SH3GLB1: variants seen among roughly 807,000 people sequenced by gnomAD.
SH3GLB1 encodes endophilin-B1.
Under a neutral mutation model 42.0 loss-of-function variants are expected in SH3GLB1, and 17 were observed. The observed-to-expected ratio is 0.40, with a 90% CI of 0.28 to 0.61. SH3GLB1 has a LOEUF of 0.61. Among genes scored for constraint, SH3GLB1 ranks in the 20% least tolerant of loss-of-function variants. SH3GLB1 has a pLI of 0.36. For synonymous variants in SH3GLB1, 132 were observed against 146.6 expected (o/e 0.90, Z 0.72); for missense variants, 355 against 426.3 (o/e 0.83, Z 1.47).
At position 86,730,959 on chromosome 1, in the gene SH3GLB1, T is replaced by C. The variant is rs113411468; in HGVS notation, c.571-3643T>C. On this transcript the variant is annotated intron_variant, in intron 5 of 8. Coordinates refer to ENST00000370558, the MANE Select transcript of SH3GLB1 (RefSeq NM_016009.5). Reference sequence around the variant, plus strand: ...GATTTTACTACAGTTAAGGTCATTATTATGAATATTTATCATACTGTTAAC... The same window carrying C: ...GATTTTACTACAGTTAAGGTCATTACTATGAATATTTATCATACTGTTAAC... 9.3e-3 allele frequency among the ~76,000 whole-genome samples: 1,419 copies of C among 152,342 alleles called. 25 individuals carry two copies. The highest frequency in any genetic ancestry group is 0.033 in the African/African-American group (1,361 of 41,580).
At chr1:86,727,006 G>C (rs1211184549) in intron 5 of SH3GLB1, among the ~76,000 whole-genome samples, 1 of 151,774 alleles carries the variant, frequency 6.6e-6, no homozygotes, top group Non-Finnish European at 1.5e-5. Context: ...GTAAGGTTTG[G>C]GATCTATCCA....
rs1653694130 is a variant in SH3GLB1 at position 86,704,594 on chromosome 1, G to C, written c.-306G>C. 1.2e-5 allele frequency: 3 copies of C among 250,908 alleles called. No homozygotes were observed. In the South Asian group the frequency reaches 1.7e-4, roughly 14 times the overall value. 15.5% of individuals were successfully genotyped at this position (250,908 alleles called of 1,614,324 possible). A position where few individuals can be genotyped will look rare whatever the true frequency, so the allele number is the denominator to read the frequency against. On this transcript the variant is annotated 5_prime_UTR_variant, in exon 1 of 9. Transcript: ENST00000370558. ...CGCGCTTGTTTTTCCCTTGGGACCCGGGTCCACACGGCGGGGTCGCCCGTC... is the reference window on the plus strand; with the variant it reads ...CGCGCTTGTTTTTCCCTTGGGACCCCGGTCCACACGGCGGGGTCGCCCGTC...
intron 3 of SH3GLB1, among the ~76,000 whole-genome samples, chr1:86,722,010 CTTTTTT>C: frequency 9.0e-6 from 1 of 111,616 alleles, no homozygotes; most frequent in East Asian, 2.5e-4. Flanking sequence ...AGGCAACCAT[CTTTTTT>C]TTTTTTTTTT....
Position 86,743,919 on chromosome 1 carries a change from C to T in SH3GLB1, c.*684C>T, listed in dbSNP as rs1052956737. 7.2e-5 allele frequency: 11 copies of T among 152,416 alleles called. No homozygotes were observed. The highest frequency in any genetic ancestry group is 2.4e-4 in the African/African-American group (10 of 41,380). The allele number at this position is 152,416 out of a possible 1,614,324, so 9.4% of individuals were successfully genotyped here. ...CTCTGATAAATTTGTAGTTAAGGTT[C>T]TAGAAAATCTAGGACAAATTTACTT... On this transcript the variant is annotated 3_prime_UTR_variant, in exon 9 of 9. Coordinates refer to ENST00000370558, the MANE Select transcript of SH3GLB1 (RefSeq NM_016009.5).
In SH3GLB1 at chr1:86,724,293, TTTC is replaced by T. The variant is rs770663329; in HGVS notation, c.478-17_478-15del. 2.0e-6 allele frequency: 3 copies of T among 1,529,776 alleles called. No homozygotes were observed. The Admixed American group carries it at 6.4e-5, about 33-fold the overall frequency. 94.8% of individuals were successfully genotyped at this position (1,529,776 alleles called of 1,614,324 possible). ...ATTTTAGCATCTTTAGCCCTTATTT[TTTC>T]TTTTCTATATTTATAGAAAGAAAGG... On this transcript the variant is annotated splice_polypyrimidine_tract_variant and intron_variant, in intron 4 of 8. Transcript: ENST00000370558.
At chr1:86,724,892 A>AAAAAAAATATATATATATATAT (rs1291454820) in intron 5 of SH3GLB1, among the ~76,000 whole-genome samples, 17 of 99,658 alleles carry the variant, frequency 1.7e-4, no homozygotes, top group South Asian at 3.0e-4. Context: ...AAAAAAAAAA[A>AAAAAAAATATATATATATATAT]ATATATATAT....
chr1:86,719,824 T>C (rs1654762632), intron 3 of SH3GLB1, among the ~76,000 whole-genome samples, 189 bp downstream of exon 3: 1 of 151,594 alleles, frequency 6.6e-6, no homozygotes, highest in Non-Finnish European at 1.5e-5. Flanking sequence ...TGAAACCCCG[T>C]CTCTACTAAA....
intron 1 of SH3GLB1, among the ~76,000 whole-genome samples, chr1:86,707,644 A>ATTTTTT (rs948807467): frequency 5.1e-5 from 6 of 116,510 alleles, no homozygotes; most frequent in Non-Finnish European, 9.0e-5. Flanking sequence ...TTTACAGGGT[A>ATTTTTT]TTTTTTTTTT....
chr1:86,726,162 A>G (rs1220614545), intron 5 of SH3GLB1, among the ~76,000 whole-genome samples: 1 of 152,114 alleles, frequency 6.6e-6, no homozygotes, highest in East Asian at 1.9e-4. Context: ...CTGGGACAGA[A>G]TGTCTTTATT....
chr1:86,734,376 C>G, intron 5 of SH3GLB1: 1 of 428,402 alleles, frequency 2.3e-6, no homozygotes. Context: ...TTTAGCGTAA[C>G]AGATTCTTTT....
rs563070979 is a variant in SH3GLB1 at position 86,705,094 on chromosome 1, C to T, written c.72+123C>T. On this transcript the variant is annotated intron_variant, in intron 1 of 8. Transcript: ENST00000370558. The stretch of plus-strand genomic sequence containing the variant: ...CCAGCGGGCCTGCTGCAGCCAGAGG[C>T]CTGGGAGATGGGCGCGGCCTGGTCC... 1,478 of 615,784 alleles carry T rather than the reference C, an allele frequency of 2.4e-3. 13 individuals are homozygous for T. In the Middle Eastern group the frequency reaches 0.025, roughly 11 times the overall value. 38.1% of individuals were successfully genotyped at this position (615,784 alleles called of 1,614,324 possible).
chr1:86,742,500 C>T, intron 8 of SH3GLB1, 64 bp downstream of exon 8: 1 of 1,210,158 alleles, frequency 8.3e-7, no homozygotes, highest in Non-Finnish European at 1.2e-6. Flanking sequence ...AATATTATAA[C>T]AAAATGCAAA....
intron 1 of SH3GLB1, among the ~76,000 whole-genome samples, chr1:86,706,416 A>G (rs192705415): frequency 1.8e-3 from 272 of 152,346 alleles, no homozygotes; most frequent in African/African-American, 3.0e-3. Context: ...TAAAATCTGC[A>G]TGGTGAGTAA....
Position 86,743,422 on chromosome 1 carries a change from C to A in SH3GLB1, c.*187C>A, listed in dbSNP as rs915556495. 6 of 372,226 alleles carry A rather than the reference C, an allele frequency of 1.6e-5. No individual in the cohort carries two copies. The highest frequency in any genetic ancestry group is 1.0e-4 in the African/African-American group (5 of 47,794). The allele number at this position is 372,226 out of a possible 1,614,324, so 23.1% of individuals were successfully genotyped here. The stretch of plus-strand genomic sequence containing the variant: ...TTTCATTACAGAATTTATGTTAGAG[C>A]TTTCATGCCAAGAATGTTTTCTTAC... On this transcript the variant is annotated 3_prime_UTR_variant, in exon 9 of 9. Transcript: ENST00000370558.
At chr1:86,728,743 G>A (rs149215467) in intron 5 of SH3GLB1, among the ~76,000 whole-genome samples, 3 of 152,034 alleles carry the variant, frequency 2.0e-5, no homozygotes, top group East Asian at 1.9e-4. Flanking sequence ...GTGCCTTTTT[G>A]CACTGACTAA....
Position 86,710,944 on chromosome 1 carries a change from A to G in SH3GLB1, c.73-4780A>G, listed in dbSNP as rs368524583. ...TGCTTGGGGAATCTTTATAAATGCC[A>G]ATATATGAGCTACACCCCAGTCCAA... On this transcript the variant is annotated intron_variant, in intron 1 of 8. Transcript: ENST00000370558. Among the ~76,000 whole-genome samples, 6 of 152,336 alleles carry G rather than the reference A, an allele frequency of 3.9e-5. No individual in the cohort carries two copies. In the South Asian group the frequency reaches 1.2e-3, roughly 32 times the overall value.
In SH3GLB1 at chr1:86,734,600, A is replaced by C. The variant is rs762285933; in HGVS notation, c.571-2A>C. ...GATTCTAAAACTATATTCTTACTTA[A>C]GTCTGAACAGGAATTAAGAATAACT... On this transcript the variant is annotated splice_acceptor_variant, in intron 5 of 8. Transcript: ENST00000370558. LOFTEE classifies it high-confidence loss of function. 1 of 1,603,130 alleles carries C rather than the reference A, an allele frequency of 6.2e-7. No homozygotes were observed. Among genetic ancestry groups the C allele is most frequent in the Non-Finnish European group, 8.5e-7 (1 of 1,170,366 alleles).
intron 2 of SH3GLB1, 108 bp from the exon 3 acceptor site, chr1:86,719,399 G>A: frequency 2.6e-6 from 2 of 764,430 alleles, no homozygotes; most frequent in Non-Finnish European, 3.8e-6. Context: ...GTGCTTGAAT[G>A]AATGCTAACT....
chr1:86,706,356 G>GT (rs1369195975), intron 1 of SH3GLB1, among the ~76,000 whole-genome samples: 3 of 152,198 alleles, frequency 2.0e-5, no homozygotes, highest in Admixed American at 1.3e-4. Flanking sequence ...CAACAAGCAA[G>GT]TAACACTTTA....
Sources: allele counts gnomAD v4.1 joint callset (sites outside exome capture counted in the v4.1 genomes callset), GRCh38; gene constraint gnomAD v4.1.1; transcripts MANE v1.5; gene names NCBI Gene and HGNC (gene_info 2026-07-23, HGNC 2026-07-21).